Variants in PCM1 observed in about 807,000 individuals in gnomAD.
PCM1 encodes pericentriolar material 1 protein.
A neutral mutation model predicts 241.9 loss-of-function variants in PCM1; 157 were observed. The observed-to-expected ratio is 0.65, with a 90% CI of 0.57 to 0.74. PCM1 has a LOEUF of 0.74. PCM1 is among the 30% of genes least tolerant of loss of function. PCM1 has a pLI of 0.00. For missense variants in PCM1, 3,478 were observed against 2,360.1 expected (o/e 1.47, Z -9.81); for synonymous variants, 1,085 against 784.9 (o/e 1.38, Z -6.39).
chr8:17,986,478 TAAAA>T (rs59505499), intron 26 of PCM1, among the ~76,000 whole-genome samples: 6 of 121,540 alleles, frequency 4.9e-5, no homozygotes, highest in Admixed American at 8.4e-5. Flanking sequence ...GTCTTTGGGT[TAAAA>T]AAAAAAAAAA....
At chr8:17,931,854 T>C (rs2129447551) in intron 2 of PCM1, among the ~76,000 whole-genome samples, 1 of 152,286 alleles carries the variant, frequency 6.6e-6, no homozygotes, top group African/African-American at 2.4e-5. Flanking sequence ...CTTCTATGGG[T>C]ATTATTTTTT....
chr8:18,012,665 G>C (rs1162456628), intron 34 of PCM1, among the ~76,000 whole-genome samples: 1 of 152,012 alleles, frequency 6.6e-6, no homozygotes, highest in East Asian at 1.9e-4. Flanking sequence ...CTCAGTGATT[G>C]TTTTCAAGTT....
chr8:17,962,888 G>A, intron 16 of PCM1: 1 of 430,158 alleles, frequency 2.3e-6, no homozygotes, highest in Non-Finnish European at 4.1e-6. Context: ...AGATGACAGA[G>A]TGAGACTCTG....
chr8:18,002,073 T>C (rs1588234609), intron 29 of PCM1, among the ~76,000 whole-genome samples: 1 of 69,936 alleles, frequency 1.4e-5, no homozygotes, highest in African/African-American at 1.3e-4. Context: ...TCTTTTTTTT[T>C]TTTTCTTTTT....
At position 17,938,951 on chromosome 8, in the gene PCM1, A is replaced by T; in HGVS notation, c.554A>T (p.Gln185Leu). 6.2e-7 allele frequency: 1 copy of T among 1,613,786 alleles called. No individual in the cohort carries two copies. Among genetic ancestry groups the T allele is most frequent in the Non-Finnish European group, 8.5e-7 (1 of 1,179,684 alleles). Residue 185 changes from glutamine (Q) to leucine (L), a missense_variant, in exon 5 of 39, where the codon CAA becomes CTA. Gln to Leu is a moderately radical substitution (Grantham distance 113). Coordinates refer to ENST00000325083, the MANE Select transcript of PCM1 (RefSeq NM_006197.4). ...TCTGCTTTAAGTAATGACCTCTTGC[A>T]AAACTGTCAGGTGTCTGAAGAAGAT... ...FASALSNDLL[Q>L]NCQVSEEDGR...
At chr8:17,986,287 T>G in intron 26 of PCM1, 200 bp downstream of exon 26, 1 of 392,398 alleles carries the variant, frequency 2.5e-6, no homozygotes, top group Non-Finnish European at 4.5e-6. Flanking sequence ...CACCAAAAAT[T>G]ATGTATGTAT....
chr8:17,956,776 C>G lies in PCM1; in HGVS notation c.1645C>G (p.Arg549Gly), dbSNP rs747573445. Residue 549 changes from arginine (R) to glycine (G), a missense_variant and splice_region_variant, in exon 11 of 39, where the codon CGA becomes GGA. Coordinates refer to ENST00000325083, the MANE Select transcript of PCM1 (RefSeq NM_006197.4). ...HENSEPVTNI[R>G]NPQVASTWNE... ...AAATTCCGAGCCTGTTACTAACATT[C>G]GGTAAGAACTTTTCTGGGGATGTTT... 1 of 1,603,358 alleles carries G rather than the reference C, an allele frequency of 6.2e-7. No individual in the cohort carries two copies. The highest frequency in any genetic ancestry group is 1.1e-5 in the South Asian group (1 of 89,560).
At chr8:17,976,328 G>GT (rs1213181129) in intron 23 of PCM1, among the ~76,000 whole-genome samples, 6 of 152,218 alleles carry the variant, frequency 3.9e-5, no homozygotes, top group Non-Finnish European at 5.9e-5. Context: ...CCCTTGAATG[G>GT]TGGGACACCC....
chr8:18,029,700 C>T lies in PCM1; in HGVS notation c.*2038C>T, dbSNP rs1307192178. ...CAGATATATTTATTTAATCTGTTTT[C>T]TCTAGTAACTATTGCTGAAGGGTTA... On this transcript the variant is annotated 3_prime_UTR_variant, in exon 39 of 39. Coordinates refer to ENST00000325083, the MANE Select transcript of PCM1 (RefSeq NM_006197.4). 1.0e-5 allele frequency: 2 copies of T among 196,992 alleles called. No individual in the cohort carries two copies. The highest frequency in any genetic ancestry group is 2.3e-5 in the African/African-American group (1 of 43,268). 12.2% of individuals were successfully genotyped at this position (196,992 alleles called of 1,614,324 possible). A position where few individuals can be genotyped will look rare whatever the true frequency, so the allele number is the denominator to read the frequency against.
rs932650505 is a variant in PCM1 at position 17,993,741 on chromosome 8, C to T, written c.4827+122C>T. 4 of 703,418 alleles carry T rather than the reference C, an allele frequency of 5.7e-6. No individual in the cohort carries two copies. The African/African-American group carries it at 7.3e-5, about 13-fold the overall frequency. 43.6% of individuals were successfully genotyped at this position (703,418 alleles called of 1,614,324 possible). A position where few individuals can be genotyped will look rare whatever the true frequency, so the allele number is the denominator to read the frequency against. On this transcript the variant is annotated intron_variant, in intron 29 of 38. Transcript: ENST00000325083. ...AAACAACAACAAAAAAACTATCACCCATAATTTTTTCACCCTACCAACATT... is the reference window on the plus strand; with the variant it reads ...AAACAACAACAAAAAAACTATCACCTATAATTTTTTCACCCTACCAACATT...
At chr8:17,968,106 T>C (rs1322059459) in intron 21 of PCM1, among the ~76,000 whole-genome samples, 1 of 151,934 alleles carries the variant, frequency 6.6e-6, no homozygotes, top group Non-Finnish European at 1.5e-5. Context: ...ATAGAATTTA[T>C]TTCCAGAGAG....
At chr8:17,974,239 A>G (rs117572972) in intron 23 of PCM1, among the ~76,000 whole-genome samples, 2,590 of 152,344 alleles carry the variant, frequency 0.017, 42 homozygotes, top group South Asian at 0.044. Context: ...TGTTGGTGCT[A>G]CCAGAGAAGA....
At chr8:18,022,254 TACC>T (rs2093812443) in intron 36 of PCM1, among the ~76,000 whole-genome samples, 1 of 152,082 alleles carries the variant, frequency 6.6e-6, no homozygotes, top group Non-Finnish European at 1.5e-5. Flanking sequence ...GTAAACAACT[TACC>T]ACCACAATGA....
At chr8:17,939,953 A>G (rs2061545617) in intron 6 of PCM1, 92 bp downstream of exon 6, 6 of 1,137,978 alleles carry the variant, frequency 5.3e-6, no homozygotes, top group Non-Finnish European at 7.6e-6. Context: ...CAGAGGAGTT[A>G]ACATATTTTC....
At chr8:18,022,012 T>C (rs546580105) in intron 36 of PCM1, among the ~76,000 whole-genome samples, 12 of 152,274 alleles carry the variant, frequency 7.9e-5, no homozygotes, top group African/African-American at 2.2e-4. Flanking sequence ...AACGTGGAGA[T>C]TGGATCTTTT....
In PCM1 at chr8:17,991,533, C is replaced by T; in HGVS notation, c.4532-9C>T. ...ACATACTCAAAAAATATTTTTGTTCCAAATGTAGGTAACACCGTGATTCAC... is the reference window on the plus strand; with the variant it reads ...ACATACTCAAAAAATATTTTTGTTCTAAATGTAGGTAACACCGTGATTCAC... On this transcript the variant is annotated splice_polypyrimidine_tract_variant and intron_variant, in intron 27 of 38. Transcript: ENST00000325083. The T allele has an allele frequency of 1.3e-6, 2 of 1,568,104 alleles. No homozygotes were observed. The highest frequency in any genetic ancestry group is 1.7e-6 in the Non-Finnish European group (2 of 1,155,248).
intron 23 of PCM1, among the ~76,000 whole-genome samples, chr8:17,978,137 T>C (rs1325638557): frequency 1.3e-5 from 2 of 152,080 alleles, no homozygotes; most frequent in Non-Finnish European, 2.9e-5. Flanking sequence ...GTTTAGATTA[T>C]TTAAAAAAGA....
At chr8:18,019,579 C>G (rs1184211682) in intron 36 of PCM1, among the ~76,000 whole-genome samples, 1 of 152,158 alleles carries the variant, frequency 6.6e-6, no homozygotes, top group Non-Finnish European at 1.5e-5. Flanking sequence ...GACACAGCAT[C>G]AGGCATTAGA....
In PCM1 at chr8:17,952,872, C is replaced by G. The variant is rs561930867; in HGVS notation, c.1072-98C>G. On this transcript the variant is annotated intron_variant, in intron 8 of 38. Transcript: ENST00000325083. Reference sequence around the variant, plus strand: ...TACCAGCACAGCCTAGCAAATATTTCTTTCTCTTTATAAAGAATATTTATG... The same window carrying G: ...TACCAGCACAGCCTAGCAAATATTTGTTTCTCTTTATAAAGAATATTTATG... 34 of 755,988 alleles carry G rather than the reference C, an allele frequency of 4.5e-5. No homozygotes were observed. The South Asian group carries it at 5.6e-4, about 12-fold the overall frequency. 46.8% of individuals were successfully genotyped at this position (755,988 alleles called of 1,614,324 possible). A position where few individuals can be genotyped will look rare whatever the true frequency, so the allele number is the denominator to read the frequency against.
Sources: allele counts gnomAD v4.1 joint callset (sites outside exome capture counted in the v4.1 genomes callset), GRCh38; gene constraint gnomAD v4.1.1; transcripts MANE v1.5; gene names NCBI Gene and HGNC (gene_info 2026-07-23, HGNC 2026-07-21).